DPP6: variants seen among roughly 807,000 people sequenced by gnomAD.
The protein encoded by DPP6 is A-type potassium channel modulatory protein DPP6.
Under a neutral mutation model 122.6 loss-of-function variants are expected in DPP6, and 69 were observed. The ratio of observed to expected loss-of-function variants is 0.56; its 90% confidence interval spans 0.46 to 0.69. DPP6 has a LOEUF of 0.69. DPP6 is among the 30% of genes least tolerant of loss of function. DPP6 has a pLI of 0.00. For synonymous variants in DPP6, 418 were observed against 433.1 expected, an observed-to-expected ratio of 0.97 and a Z score of 0.43; for missense variants, 928 against 1,116.9, an observed-to-expected ratio of 0.83 and a Z score of 2.41.
At chr7:153,932,654 A>G (rs1056081039) in intron 1 of DPP6, among the ~76,000 whole-genome samples, 1 of 152,136 alleles carries the variant, frequency 6.6e-6, no homozygotes, top group African/African-American at 2.4e-5. Context: ...GGGGAAGAGG[A>G]TAAACTTCCT....
chr7:154,290,173 T>G (rs1379642067), intron 1 of DPP6, among the ~76,000 whole-genome samples: 2 of 152,196 alleles, frequency 1.3e-5, no homozygotes, highest in Non-Finnish European at 2.9e-5. Context: ...GGAAGAGAAT[T>G]ATTTATGTTG....
chr7:153,959,420 G>A (rs1795236387), intron 1 of DPP6, among the ~76,000 whole-genome samples: 1 of 152,200 alleles, frequency 6.6e-6, no homozygotes, highest in Admixed American at 6.5e-5. Context: ...CTTAGGAGAA[G>A]GATATGACTT....
rs530067916 is a variant in DPP6, at chr7:154,321,317, C to G, written c.244-124897C>G. Among the ~76,000 whole-genome samples, 73 of 151,972 alleles carry G rather than the reference C, an allele frequency of 4.8e-4. 1 individual carries two copies. Among genetic ancestry groups the G allele is most frequent in the Middle Eastern group, 3.4e-3 (1 of 294 alleles). ...AAAAAATGCTATAATTTTACAAAACCTGCTCTCCATGTATCCCTCTCTACT... is the reference window on the plus strand; with the variant it reads ...AAAAAATGCTATAATTTTACAAAACGTGCTCTCCATGTATCCCTCTCTACT... On this transcript the variant is annotated intron_variant, in intron 1 of 25. Transcript: ENST00000377770.
intron 1 of DPP6, among the ~76,000 whole-genome samples, chr7:154,384,233 C>T (rs1381381902): frequency 6.6e-6 from 1 of 152,164 alleles, no homozygotes; most frequent in Admixed American, 6.5e-5. Context: ...GGTGGCATCC[C>T]CTGTCCCTCA....
chr7:153,920,204 G>A (rs571884242), intron 1 of DPP6, among the ~76,000 whole-genome samples: 9 of 66,446 alleles, frequency 1.4e-4, no homozygotes, highest in African/African-American at 2.7e-4. Context: ...CCTGAAAGTC[G>A]AGGGGGTGAC....
chr7:153,819,747 T>A, the DPP6 span, among the ~76,000 whole-genome samples: 1 of 152,216 alleles, frequency 6.6e-6, no homozygotes, highest in Non-Finnish European at 1.5e-5. Context: ...GAACTGTATA[T>A]GTAAAAATGG....
chr7:154,765,757 G>A (rs1795855176), intron 8 of DPP6, among the ~76,000 whole-genome samples: 2 of 152,200 alleles, frequency 1.3e-5, no homozygotes, highest in African/African-American at 4.8e-5. Flanking sequence ...GCAGGACAGG[G>A]AAGGTGAAGA....
At chr7:154,420,646 G>T (rs1256840711) in intron 1 of DPP6, among the ~76,000 whole-genome samples, 1 of 152,102 alleles carries the variant, frequency 6.6e-6, no homozygotes. Flanking sequence ...GCACGGCATG[G>T]TAACTATAGT....
intron 1 of DPP6, among the ~76,000 whole-genome samples, chr7:154,203,951 A>G (rs1307777575): frequency 6.6e-6 from 1 of 152,232 alleles, no homozygotes; most frequent in Non-Finnish European, 1.5e-5. Flanking sequence ...TAAAAATAGA[A>G]GTGCTTAATA....
the DPP6 span, among the ~76,000 whole-genome samples, chr7:153,878,363 T>C: frequency 2.0e-5 from 3 of 150,918 alleles, no homozygotes; most frequent in Admixed American, 6.6e-5. Context: ...TTATTTATGT[T>C]AGTGCCTATC....
chr7:153,812,384 C>T, the DPP6 span, among the ~76,000 whole-genome samples: 1 of 151,976 alleles, frequency 6.6e-6, no homozygotes, highest in Non-Finnish European at 1.5e-5. Context: ...GTACCAATTC[C>T]TCACCCAGGC....
chr7:154,323,521 C>CAACTAACTTCTGTGGAGCA (rs1363944455), intron 1 of DPP6, among the ~76,000 whole-genome samples: 1 of 152,170 alleles, frequency 6.6e-6, no homozygotes, highest in Non-Finnish European at 1.5e-5. Flanking sequence ...TTTTCATCGT[C>CAACTAACTTCTGTGGAGCA]AACTAACTTC....
upstream of DPP6, among the ~76,000 whole-genome samples, chr7:153,885,317 G>T (rs2128990450): frequency 6.6e-6 from 1 of 152,140 alleles, no homozygotes; most frequent in South Asian, 2.1e-4. Flanking sequence ...TGATTGAGCA[G>T]CCTGCTGTTG....
At chr7:154,484,214 A>G (rs1052419808) in intron 3 of DPP6, among the ~76,000 whole-genome samples, 3 of 152,222 alleles carry the variant, frequency 2.0e-5, no homozygotes, top group Non-Finnish European at 4.4e-5. Context: ...AGACGCTTAC[A>G]TGCAGACAGC....
At chr7:154,523,053 A>G (rs1244943468) in intron 3 of DPP6, among the ~76,000 whole-genome samples, 3 of 152,210 alleles carry the variant, frequency 2.0e-5, no homozygotes. Flanking sequence ...TGACCGAGTC[A>G]TTCCCAAGTG....
At chr7:153,847,628 G>C in the DPP6 span, among the ~76,000 whole-genome samples, 2 of 152,114 alleles carry the variant, frequency 1.3e-5, no homozygotes, top group African/African-American at 4.8e-5. Context: ...ATTGGGGCAG[G>C]CTGTAAGTAT....
chr7:154,432,144 C>G (rs1818479666), intron 1 of DPP6, among the ~76,000 whole-genome samples: 1 of 152,206 alleles, frequency 6.6e-6, no homozygotes. Flanking sequence ...AGTAGTTTAG[C>G]TTTTCCTCAG....
intron 7 of DPP6, among the ~76,000 whole-genome samples, chr7:154,724,444 C>G (rs909231473): frequency 1.3e-5 from 2 of 152,222 alleles, no homozygotes; most frequent in African/African-American, 4.8e-5. Context: ...CCTTCTCCAT[C>G]TCCATGGTTA....
At chr7:154,265,471 A>G (rs1220469772) in intron 1 of DPP6, among the ~76,000 whole-genome samples, 1 of 152,198 alleles carries the variant, frequency 6.6e-6, no homozygotes, top group African/African-American at 2.4e-5. Context: ...AGCTGAATGT[A>G]TTTTACAGAA....
Sources: allele counts gnomAD v4.1 joint callset (sites outside exome capture counted in the v4.1 genomes callset), GRCh38; gene constraint gnomAD v4.1.1; transcripts MANE v1.5; gene names NCBI Gene and HGNC (gene_info 2026-07-23, HGNC 2026-07-21).